Variants in LARP6 observed in about 807,000 individuals in gnomAD.
The protein encoded by LARP6 is la-related protein 6.
In LARP6, 18 loss-of-function variants were observed where a neutral mutation model predicts 32.8. That is an observed-to-expected ratio of 0.55 (90% CI 0.38 to 0.81). LARP6 has a LOEUF of 0.81. Ranked by LOEUF, LARP6 falls within the 40% of genes least tolerant of loss-of-function variation. LARP6 has a pLI of 0.00. For synonymous variants in LARP6, 289 were observed against 267.2 expected, an observed-to-expected ratio of 1.08 and a Z score of -0.80; for missense variants, 598 against 663.1, an observed-to-expected ratio of 0.90 and a Z score of 1.08.
intron 1 of LARP6, chr15:70,853,214 A>ACCCCACC (rs2032526926): frequency 9.9e-6 from 1 of 100,840 alleles, no homozygotes; most frequent in African/African-American, 3.6e-5. Context: ...ACCCAGGAAC[A>ACCCCACC]CCCCCCCCCC....
At position 70,836,290 on chromosome 15, in the gene LARP6, C is replaced by T. The variant is rs764000056; in HGVS notation, c.411+5G>A. On this transcript the variant is annotated splice_donor_5th_base_variant and intron_variant, in intron 2 of 2. Transcript: ENST00000299213. ...TTGAAGCAGCTTCTGAGAACCAAGC[C>T]TCACCTTTTTGAAGGATGTGAGTAG... 2 of 1,613,312 alleles carry T rather than the reference C, an allele frequency of 1.2e-6. No homozygotes were observed. The highest frequency in any genetic ancestry group is 1.7e-5 in the Admixed American group (1 of 60,024).
rs1322827539 is a variant in LARP6, at chr15:70,831,146, G to A, written c.*906C>T. 1 of 152,222 alleles carries A rather than the reference G, an allele frequency of 6.6e-6. No individual in the cohort carries two copies. The highest frequency in any genetic ancestry group is 1.5e-5 in the Non-Finnish European group (1 of 68,064). The allele number at this position is 152,222 out of a possible 1,614,324, so 9.4% of individuals were successfully genotyped here. A position where few individuals can be genotyped will look rare whatever the true frequency, so the allele number is the denominator to read the frequency against. On this transcript the variant is annotated 3_prime_UTR_variant, in exon 3 of 3. Coordinates refer to ENST00000299213, the MANE Select transcript of LARP6 (RefSeq NM_018357.4). The stretch of plus-strand genomic sequence containing the variant: ...AATTCAGTGGGCCTAGGGTTGGCCT[G>A]AGAATCTGGATTTCTAATAAGTTCC...
rs2032028573 is a variant in LARP6, at chr15:70,830,928, T to A, written c.*1124A>T. ...AGACATGGACATCGTAACAAAGCAA[T>A]TCACAGGGAGATGATGAGGTTCACG... is the stretch of plus-strand genomic sequence containing the variant. On this transcript the variant is annotated 3_prime_UTR_variant, in exon 3 of 3. Transcript: ENST00000299213. The A allele has an allele frequency of 6.6e-6, 1 of 152,204 alleles. No homozygotes were observed. Among genetic ancestry groups the A allele is most frequent in the African/African-American group, 2.4e-5 (1 of 41,448 alleles). The allele number at this position is 152,204 out of a possible 1,614,324, so 9.4% of individuals were successfully genotyped here. A position where few individuals can be genotyped will look rare whatever the true frequency, so the allele number is the denominator to read the frequency against.
At chr15:70,834,239 A>C (rs2032107461) in intron 2 of LARP6, among the ~76,000 whole-genome samples, 1 of 152,192 alleles carries the variant, frequency 6.6e-6, no homozygotes, top group Non-Finnish European at 1.5e-5. Context: ...TACTATACAC[A>C]GGCTCCTAGA....
intron 1 of LARP6, chr15:70,852,382 G>A (rs1403781233): frequency 1.2e-5 from 5 of 422,868 alleles, no homozygotes; most frequent in African/African-American, 4.1e-5. Flanking sequence ...CCATACTGAG[G>A]CTTGGTTTCT....
chr15:70,836,133 T>C (rs528920794), intron 2 of LARP6, among the ~76,000 whole-genome samples, 162 bp downstream of exon 2: 1 of 152,296 alleles, frequency 6.6e-6, no homozygotes, highest in Admixed American at 6.5e-5. Context: ...TTCCTAACAA[T>C]ACTAAATCCC....
At position 70,830,702 on chromosome 15, in the gene LARP6, C is replaced by G. The variant is rs2141046811; in HGVS notation, c.*1350G>C. On this transcript the variant is annotated 3_prime_UTR_variant, in exon 3 of 3. Transcript: ENST00000299213. ...GAGATAATGCATGGAAAGCTCTTAG[C>G]ATAGTCCCTGGCACCTAATCACTGT... The G allele has an allele frequency of 6.6e-6, 1 of 152,334 alleles. No individual in the cohort carries two copies. 9.4% of individuals were successfully genotyped at this position (152,334 alleles called of 1,614,324 possible). A position where few individuals can be genotyped will look rare whatever the true frequency, so the allele number is the denominator to read the frequency against.
rs901967832 is a variant in LARP6, at chr15:70,831,445, T to C, written c.*607A>G. The C allele has an allele frequency of 2.0e-5, 3 of 152,250 alleles. No individual in the cohort carries two copies. The highest frequency in any genetic ancestry group is 7.2e-5 in the African/African-American group (3 of 41,466). The allele number at this position is 152,250 out of a possible 1,614,324, so 9.4% of individuals were successfully genotyped here. A position where few individuals can be genotyped will look rare whatever the true frequency, so the allele number is the denominator to read the frequency against. ...TTCTCTTAAAGAAAAGAAAGATGTC[T>C]CTGCTAAGCTCCTCAGGGCCTCATG... On this transcript the variant is annotated 3_prime_UTR_variant, in exon 3 of 3. Transcript: ENST00000299213.
intron 1 of LARP6, chr15:70,851,349 A>T: frequency 1.4e-6 from 1 of 693,474 alleles, no homozygotes; most frequent in Non-Finnish European, 1.9e-6. Flanking sequence ...ATGTTTGAAA[A>T]TTTTTATGTT....
rs760004989 is a variant in LARP6, at chr15:70,832,782, C to T, written c.746G>A (p.Arg249His). 93 of 1,607,764 alleles carry T rather than the reference C, an allele frequency of 5.8e-5. No individual in the cohort carries two copies. The highest frequency in any genetic ancestry group is 6.2e-5 in the Non-Finnish European group (73 of 1,177,512). ...LPPDIRRISS[R>H]YSQVGTQECA... ...CTCCTGGGTCCCCACTTGGCTGTAG[C>T]GGCTGCTGATCCTCCGGATGTCAGG... Residue 249 changes from arginine (R) to histidine (H), a missense_variant, in exon 3 of 3, where the codon CGC becomes CAC. This residue lies in a region of LARP6 where 368 missense variants were observed against 397.9 expected (regional missense o/e 0.92). Transcript: ENST00000299213.
Position 70,836,400 on chromosome 15 carries a change from G to A in LARP6, c.306C>T (p.Phe102=), listed in dbSNP as rs1474639741. Residue 102 remains phenylalanine (F), a synonymous_variant, in exon 2 of 3, where the codon TTC becomes TTT. Coordinates refer to ENST00000299213, the MANE Select transcript of LARP6 (RefSeq NM_018357.4). ...TCTCCAGGTTTTCATCAGAAAAGTA[G>A]AATTCGATCTGATCCACCAGTTTCT... ...LIKKLVDQIE[F]YFSDENLEKD... 1.9e-6 allele frequency: 3 copies of A among 1,613,950 alleles called. No homozygotes were observed. The highest frequency in any genetic ancestry group is 2.5e-6 in the Non-Finnish European group (3 of 1,179,968).
At chr15:70,838,369 C>T (rs1366139991) in intron 1 of LARP6, among the ~76,000 whole-genome samples, 1 of 152,112 alleles carries the variant, frequency 6.6e-6, no homozygotes, top group Non-Finnish European at 1.5e-5. Flanking sequence ...CCTAGCGTAC[C>T]GTTAAAGCTC....
At position 70,833,045 on chromosome 15, in the gene LARP6, A is replaced by C. The variant is rs1437431190; in HGVS notation, c.483T>G (p.Asn161Lys). ...TCCTCCTCACCTTCCGGTGGTCCTC[A>C]TTCAACTCAAGGACCACTGAATACT... ...ALKYSVVLEL[N>K]EDHRKVRRTT... Residue 161 changes from asparagine (N) to lysine (K), a missense_variant, in exon 3 of 3, where the codon AAT (asparagine) becomes AAG (lysine). Physicochemically the swap from Asn to Lys is moderately conservative, Grantham distance 94. Around this residue, in one of 3 missense-constraint regions of LARP6, gnomAD observed 69 missense variants for 116.7 expected, o/e 0.59. Transcript: ENST00000299213. The C allele has an allele frequency of 6.2e-7, 1 of 1,613,966 alleles. No homozygotes were observed. Among genetic ancestry groups the C allele is most frequent in the Non-Finnish European group, 8.5e-7 (1 of 1,179,990 alleles).
intron 1 of LARP6, chr15:70,851,557 C>T (rs535812492): frequency 1.9e-6 from 3 of 1,553,760 alleles, no homozygotes; most frequent in African/African-American, 2.7e-5. Flanking sequence ...ATCTCACTGT[C>T]TAGGGAAGGG....
intron 1 of LARP6, among the ~76,000 whole-genome samples, chr15:70,838,486 G>T (rs1379631520): frequency 1.3e-5 from 2 of 152,052 alleles, no homozygotes; most frequent in Non-Finnish European, 2.9e-5. Flanking sequence ...TATATGTTTT[G>T]CTAGGACCCT....
In LARP6 at chr15:70,832,366, G is replaced by T; in HGVS notation, c.1162C>A (p.Gln388Lys). The change falls in exon 3 of 3, where the codon CAA becomes AAA. Residue 388 changes from glutamine (Q) to lysine (K), a missense_variant. By Grantham distance (53) the Gln-to-Lys change is moderately conservative. This residue lies in a region of LARP6 where 368 missense variants were observed against 397.9 expected (regional missense o/e 0.92). Transcript: ENST00000299213. The stretch of plus-strand genomic sequence containing the variant: ...GACTTTCTGGAAACGCCTTTGCGTT[G>T]GGCCAAGGGGCTGCTCCAAGGACTT... Reference protein sequence around the residue: ...CTSPWSSPLAQRKGVSRKSPL... With the variant: ...CTSPWSSPLAKRKGVSRKSPL... 1.9e-6 allele frequency: 3 copies of T among 1,613,724 alleles called. No individual in the cohort carries two copies. Among genetic ancestry groups the T allele is most frequent in the Non-Finnish European group, 2.5e-6 (3 of 1,179,806 alleles).
chr15:70,831,891 G>C lies in LARP6; in HGVS notation c.*161C>G, dbSNP rs558457155. ...TAGAAGGTGGTCTTCAAACCATGGC[G>C]TACCGATTTATGTATATTACAGATA... On this transcript the variant is annotated 3_prime_UTR_variant, in exon 3 of 3. Coordinates refer to ENST00000299213, the MANE Select transcript of LARP6 (RefSeq NM_018357.4). 1 of 472,454 alleles carries C rather than the reference G, an allele frequency of 2.1e-6. No homozygotes were observed. The highest frequency in any genetic ancestry group is 3.7e-6 in the Non-Finnish European group (1 of 273,768). The allele number at this position is 472,454 out of a possible 1,614,324, so 29.3% of individuals were successfully genotyped here. A position where few individuals can be genotyped will look rare whatever the true frequency, so the allele number is the denominator to read the frequency against.
At chr15:70,849,539 T>A (rs1279649442) in intron 1 of LARP6, 1 of 152,208 alleles carries the variant, frequency 6.6e-6, no homozygotes, top group Non-Finnish European at 1.5e-5. Context: ...ACTGTGGAAA[T>A]GGCTGAATTC....
chr15:70,842,707 T>TAGTCTACTATCCATATAGTCTACTACTA (rs1275280204), intron 1 of LARP6, among the ~76,000 whole-genome samples: 22 of 152,160 alleles, frequency 1.4e-4, no homozygotes, highest in Non-Finnish European at 2.5e-4. Context: ...CTATCCATAA[T>TAGTCTACTATCCATATAGTCTACTACTA]GTATTGGGGG....
Sources: allele counts gnomAD v4.1 joint callset (sites outside exome capture counted in the v4.1 genomes callset), GRCh38; gene constraint gnomAD v4.1.1; regional missense constraint gnomAD v4.1.1; transcripts MANE v1.5; gene names NCBI Gene and HGNC (gene_info 2026-07-23, HGNC 2026-07-21).